The following KANSL1L variants were observed in gnomAD, a reference collection of about 807,000 sequenced individuals.
The protein encoded by KANSL1L is KAT8 regulatory NSL complex subunit 1 like, also known as KAT8 regulatory NSL complex subunit 1-like protein.
Under a neutral mutation model 108.6 loss-of-function variants are expected in KANSL1L, and 25 were observed. The ratio of observed to expected loss-of-function variants is 0.23; its 90% CI spans 0.17 to 0.32. The LOEUF is 0.32. Ranked by LOEUF, KANSL1L falls within the 10% of genes least tolerant of loss-of-function variation. KANSL1L has a pLI of 1.00. For missense variants in KANSL1L, 1,137 were observed against 1,125.7 expected (o/e 1.01, Z -0.14); for synonymous variants, 405 against 395.1 (o/e 1.03, Z -0.30).
At chr2:210,083,573 G>A (rs1459689132) in intron 5 of KANSL1L, among the ~76,000 whole-genome samples, 1 of 151,962 alleles carries the variant, frequency 6.6e-6, no homozygotes, top group Non-Finnish European at 1.5e-5. Context: ...TAACCCAATG[G>A]CATTTAGGAT....
intron 7 of KANSL1L, chr2:210,043,393 C>G (rs2094189347): frequency 6.3e-6 from 1 of 159,032 alleles, no homozygotes; most frequent in Admixed American, 6.5e-5. Context: ...TGTCTCAAAA[C>G]AAAACAAAAC....
At chr2:210,089,078 A>C (rs1026112389) in intron 5 of KANSL1L, 2 of 153,824 alleles carry the variant, frequency 1.3e-5, no homozygotes, top group Admixed American at 1.3e-4. Flanking sequence ...TCTTAAGCAG[A>C]ATCTCATTAA....
At chr2:210,067,922 G>C (rs1413450210) in intron 6 of KANSL1L, among the ~76,000 whole-genome samples, 1 of 151,666 alleles carries the variant, frequency 6.6e-6, no homozygotes, top group Non-Finnish European at 1.5e-5. Flanking sequence ...CTGTTGCCCA[G>C]GCTGGAGTGC....
intron 3 of KANSL1L, among the ~76,000 whole-genome samples, chr2:210,127,798 C>CAAAAAAAAAAAA (rs55979027): frequency 7.1e-5 from 2 of 28,122 alleles, no homozygotes; most frequent in Non-Finnish European, 1.3e-4. Flanking sequence ...GACTCTGCCT[C>CAAAAAAAAAAAA]AAAAAAAAAA....
chr2:210,021,839 T>C lies in KANSL1L; in HGVS notation c.*1110A>G, dbSNP rs1022849584. ...CATGTATACTCTTCAGTATCCAATATTGAAGCTTTGTTCTTTGAAAAATTT... is the reference window on the plus strand; with the variant it reads ...CATGTATACTCTTCAGTATCCAATACTGAAGCTTTGTTCTTTGAAAAATTT... On this transcript the variant is annotated 3_prime_UTR_variant, in exon 15 of 15. Transcript: ENST00000281772. The C allele has an allele frequency of 2.0e-5, 3 of 151,704 alleles. No individual in the cohort carries two copies. Among genetic ancestry groups the C allele is most frequent in the African/African-American group, 4.8e-5 (2 of 41,332 alleles). 9.4% of individuals were successfully genotyped at this position (151,704 alleles called of 1,614,324 possible).
chr2:210,136,775 C>T (rs188805750), intron 2 of KANSL1L, among the ~76,000 whole-genome samples: 59 of 152,128 alleles, frequency 3.9e-4, no homozygotes, highest in Non-Finnish European at 6.2e-4. Context: ...CTATAATGGG[C>T]CCTGAAAAGA....
chr2:210,021,459 A>T lies in KANSL1L; in HGVS notation c.*1490T>A, dbSNP rs780317109. ...ACTTTAATTAAAAAACTTACATAGA[A>T]GATTATAATATCAGACGTGACAAAG... On this transcript the variant is annotated 3_prime_UTR_variant, in exon 15 of 15. Coordinates refer to ENST00000281772, the MANE Select transcript of KANSL1L (RefSeq NM_152519.4). 3.3e-5 allele frequency: 5 copies of T among 152,580 alleles called. No homozygotes were observed. Among genetic ancestry groups the T allele is most frequent in the African/African-American group, 4.8e-5 (2 of 41,444 alleles). The allele number at this position is 152,580 out of a possible 1,614,324, so 9.5% of individuals were successfully genotyped here. A position where few individuals can be genotyped will look rare whatever the true frequency, so the allele number is the denominator to read the frequency against.
chr2:210,140,214 TGTTA>T (rs1220629183), intron 2 of KANSL1L, among the ~76,000 whole-genome samples: 1 of 152,210 alleles, frequency 6.6e-6, no homozygotes, highest in African/African-American at 2.4e-5. Context: ...TTTTTGCTTT[TGTTA>T]CCTGTGCTTT....
chr2:210,058,836 C>A (rs1421492344), intron 6 of KANSL1L, among the ~76,000 whole-genome samples: 31 of 65,808 alleles, frequency 4.7e-4, no homozygotes, highest in African/African-American at 9.9e-4. Context: ...GACTCCGTCT[C>A]AAAAAAAAAA....
intron 1 of KANSL1L, among the ~76,000 whole-genome samples, chr2:210,163,160 C>T (rs1212082914): frequency 6.6e-6 from 1 of 152,148 alleles, no homozygotes; most frequent in Non-Finnish European, 1.5e-5. Context: ...GAAGAGACAG[C>T]AAGCATCAGA....
chr2:210,030,807 G>A (rs1370381463), intron 9 of KANSL1L: 3 of 151,870 alleles, frequency 2.0e-5, no homozygotes, highest in African/African-American at 7.3e-5. Context: ...TGACAGGCTG[G>A]ACCAGATGTC....
At chr2:210,159,453 C>T (rs2095350036) in intron 1 of KANSL1L, among the ~76,000 whole-genome samples, 2 of 152,126 alleles carry the variant, frequency 1.3e-5, no homozygotes, top group African/African-American at 2.4e-5. Flanking sequence ...CTCTTCATAG[C>T]ACTATTGCCA....
At chr2:210,164,517 C>T (rs2095376857) in intron 1 of KANSL1L, among the ~76,000 whole-genome samples, 1 of 152,092 alleles carries the variant, frequency 6.6e-6, no homozygotes, top group Non-Finnish European at 1.5e-5. Context: ...CTAGGCACCA[C>T]CATCATCTTT....
At chr2:210,166,741 T>C (rs1687996563) in intron 1 of KANSL1L, among the ~76,000 whole-genome samples, 1 of 152,104 alleles carries the variant, frequency 6.6e-6, no homozygotes, top group Non-Finnish European at 1.5e-5. Flanking sequence ...AGCAGATTTA[T>C]ACTTGATGCT....
rs369699127 is a variant in KANSL1L at position 210,104,086 on chromosome 2, T to A, written c.1428+18A>T. On this transcript the variant is annotated intron_variant, in intron 4 of 14. Coordinates refer to ENST00000281772, the MANE Select transcript of KANSL1L (RefSeq NM_152519.4). ...GAAAAGTCATTTCATACCACTGATA[T>A]CCTTACTTTGACTTTACCTGTTTTT... 4 of 1,584,616 alleles carry A rather than the reference T, an allele frequency of 2.5e-6. No individual in the cohort carries two copies. In the African/African-American group the frequency reaches 5.4e-5, roughly 21 times the overall value.
At position 210,031,986 on chromosome 2, in the gene KANSL1L, T is replaced by C. The variant is rs551787603; in HGVS notation, c.2030-440A>G. On this transcript the variant is annotated intron_variant, in intron 8 of 14. Coordinates refer to ENST00000281772, the MANE Select transcript of KANSL1L (RefSeq NM_152519.4). The stretch of plus-strand genomic sequence containing the variant: ...TGCCTTAGTTGCATCATCTGTAAAA[T>C]AGGGATAATAGCAGCGACCTTGGAT... Among the ~76,000 whole-genome samples the C allele has an allele frequency of 1.4e-4, 21 of 152,266 alleles. No homozygotes were observed. The East Asian group carries it at 1.9e-3, about 14-fold the overall frequency.
chr2:210,061,454 G>A (rs981925654), intron 6 of KANSL1L, among the ~76,000 whole-genome samples: 2 of 152,144 alleles, frequency 1.3e-5, no homozygotes, highest in Admixed American at 1.3e-4. Context: ...AGCTGAAGAA[G>A]CATATTATGA....
At chr2:210,126,329 G>A (rs2095065397) in intron 3 of KANSL1L, among the ~76,000 whole-genome samples, 1 of 152,064 alleles carries the variant, frequency 6.6e-6, no homozygotes, top group African/African-American at 2.4e-5. Flanking sequence ...ATAAATAAAT[G>A]GAAACAAATC....
At chr2:210,120,809 A>C (rs2095010371) in intron 3 of KANSL1L, among the ~76,000 whole-genome samples, 1 of 152,184 alleles carries the variant, frequency 6.6e-6, no homozygotes, top group African/African-American at 2.4e-5. Context: ...AGAAATAAAC[A>C]AACAACCCCA....
Sources: gnomAD v4.1 joint callset for allele counts (sites outside exome capture counted in the v4.1 genomes callset) on GRCh38, gnomAD v4.1.1 for gene constraint, MANE v1.5 for transcripts, NCBI Gene and HGNC (gene_info 2026-07-23, HGNC 2026-07-21) for gene names.